The following RANBP2 variants were observed in gnomAD, a reference collection of about 807,000 sequenced individuals.
The protein encoded by RANBP2 is RAN binding protein 2, also known as E3 SUMO-protein ligase RanBP2.
Under a neutral mutation model 303.6 loss-of-function variants are expected in RANBP2, and 57 were observed. That is an observed-to-expected ratio of 0.19 (90% CI 0.15 to 0.23). RANBP2 has a LOEUF of 0.23. Among genes scored for constraint, RANBP2 ranks in the 10% least tolerant of loss-of-function variants. The pLI is 1.00. For synonymous variants in RANBP2, 1,167 were observed against 1,301.5 expected, an observed-to-expected ratio of 0.90 and a Z score of 2.23; for missense variants, 3,138 against 3,780.8, an observed-to-expected ratio of 0.83 and a Z score of 4.46.
At chr2:109,103,454 G>A in the RANBP2 span, among the ~76,000 whole-genome samples, 4 of 152,138 alleles carry the variant, frequency 2.6e-5, no homozygotes, top group Non-Finnish European at 4.4e-5. Flanking sequence ...GTATACATTC[G>A]GTCCTGAAAG....
At chr2:109,475,535 G>A in the RANBP2 span, among the ~76,000 whole-genome samples, 16 of 152,210 alleles carry the variant, frequency 1.1e-4, 1 homozygote, top group Middle Eastern at 6.3e-3. Context: ...TTGGCTGTGG[G>A]TGGGGACAGG....
At chr2:108,906,191 G>A in the RANBP2 span, 13 of 1,045,156 alleles carry the variant, frequency 1.2e-5, no homozygotes, top group Middle Eastern at 2.6e-4. Flanking sequence ...ACCAAAGTGC[G>A]GCAACTGGAT....
the RANBP2 span, among the ~76,000 whole-genome samples, chr2:109,526,607 C>T: frequency 5.3e-5 from 8 of 152,292 alleles, no homozygotes; most frequent in South Asian, 4.1e-4. Context: ...CCACCACGCC[C>T]GGCTCACCTC....
At chr2:108,854,079 TAATA>T in the RANBP2 span, among the ~76,000 whole-genome samples, 1 of 131,018 alleles carries the variant, frequency 7.6e-6, no homozygotes, top group African/African-American at 2.9e-5. Context: ...ATATATAATA[TAATA>T]AATTTATATT....
At chr2:109,078,689 G>T in the RANBP2 span, among the ~76,000 whole-genome samples, 1 of 150,480 alleles carries the variant, frequency 6.6e-6, no homozygotes, top group African/African-American at 2.4e-5. Flanking sequence ...CACACAAAAA[G>T]GTGACCATGT....
At chr2:109,702,005 G>C in the RANBP2 span, among the ~76,000 whole-genome samples, 1 of 152,168 alleles carries the variant, frequency 6.6e-6, no homozygotes, top group South Asian at 2.1e-4. Context: ...CTACCTACAT[G>C]GTTTGACCTG....
chr2:109,298,012 G>A, the RANBP2 span, among the ~76,000 whole-genome samples: 2 of 152,208 alleles, frequency 1.3e-5, no homozygotes, highest in Non-Finnish European at 2.9e-5. Flanking sequence ...GCTGGTGACA[G>A]CTGAGGCTGG....
At chr2:109,312,438 C>T in the RANBP2 span, among the ~76,000 whole-genome samples, 25 of 152,186 alleles carry the variant, frequency 1.6e-4, no homozygotes, top group African/African-American at 4.8e-4. Flanking sequence ...AATGATGTTT[C>T]GACCGTCAGC....
chr2:108,908,284 G>A, the RANBP2 span, among the ~76,000 whole-genome samples: 42 of 152,104 alleles, frequency 2.8e-4, no homozygotes, highest in African/African-American at 7.2e-4. Flanking sequence ...CTGCCACTGC[G>A]TGTGGGAGGC....
the RANBP2 span, chr2:109,432,806 C>T: frequency 2.0e-5 from 25 of 1,224,890 alleles, no homozygotes; most frequent in Non-Finnish European, 2.4e-5. Flanking sequence ...CAGGGTTCAG[C>T]CCCCACTGGC....
At chr2:109,132,008 G>T in the RANBP2 span, among the ~76,000 whole-genome samples, 80 of 152,332 alleles carry the variant, frequency 5.3e-4, no homozygotes, top group African/African-American at 1.9e-3. Context: ...ATCAGGCATT[G>T]AGCAACCCTA....
the RANBP2 span, among the ~76,000 whole-genome samples, chr2:108,920,037 AT>A: frequency 6.6e-6 from 1 of 152,146 alleles, no homozygotes; most frequent in South Asian, 2.1e-4. Flanking sequence ...AAGTGGCACC[AT>A]GTCCACATGG....
chr2:108,740,213 A>G (rs1441436386), intron 6 of RANBP2, among the ~76,000 whole-genome samples: 3 of 152,212 alleles, frequency 2.0e-5, no homozygotes, highest in African/African-American at 7.2e-5. Flanking sequence ...TGAAATGTGC[A>G]CCTATAATCA....
the RANBP2 span, among the ~76,000 whole-genome samples, chr2:109,280,844 TC>T: frequency 6.6e-6 from 1 of 152,214 alleles, no homozygotes; most frequent in Admixed American, 6.5e-5. Context: ...CTGTTTTATG[TC>T]CGTTGCACAT....
At chr2:108,861,144 T>A in the RANBP2 span, among the ~76,000 whole-genome samples, 3,555 of 151,714 alleles carry the variant, frequency 0.023, 112 homozygotes, top group African/African-American at 0.067. Context: ...GATTTTTTTT[T>A]AAATTTATTT....
the RANBP2 span, among the ~76,000 whole-genome samples, chr2:108,958,409 G>GAA: frequency 3.4e-5 from 5 of 145,716 alleles, no homozygotes; most frequent in African/African-American, 1.3e-4. Context: ...CCTTCAGCAG[G>GAA]AAAAAAAAAA....
the RANBP2 span, among the ~76,000 whole-genome samples, chr2:109,588,532 C>T: frequency 1.1e-3 from 169 of 152,142 alleles, no homozygotes; most frequent in Non-Finnish European, 1.8e-3. Context: ...TTTGCTCTTT[C>T]GCCCAGGCTG....
At chr2:109,464,541 T>C in the RANBP2 span, among the ~76,000 whole-genome samples, 1 of 152,192 alleles carries the variant, frequency 6.6e-6, no homozygotes, top group Non-Finnish European at 1.5e-5. Context: ...TACATACACA[T>C]CCTGCAGAGT....
chr2:109,256,779 G>C, the RANBP2 span, among the ~76,000 whole-genome samples: 1 of 152,244 alleles, frequency 6.6e-6, no homozygotes, highest in Non-Finnish European at 1.5e-5. Flanking sequence ...GGAGAAAACA[G>C]TGAAGTGGGA....
Sources: gnomAD v4.1 joint callset for allele counts (sites outside exome capture counted in the v4.1 genomes callset) on GRCh38, gnomAD v4.1.1 for gene constraint, MANE v1.5 for transcripts, NCBI Gene and HGNC (gene_info 2026-07-23, HGNC 2026-07-21) for gene names.